The following MEI1 variants were observed in gnomAD, a reference collection of about 807,000 sequenced individuals.
The protein encoded by MEI1 is meiotic double-stranded break formation protein 1.
MEI1 carries 103 observed loss-of-function variants against 146.2 expected under a neutral mutation model. The observed-to-expected ratio is 0.70, with a 90% CI of 0.60 to 0.83. The LOEUF (loss-of-function observed/expected upper bound fraction) is 0.83, where lower values mean the gene tolerates loss of function less well. Ranked by LOEUF, MEI1 falls within the 40% of genes least tolerant of loss-of-function variation. The probability of loss-of-function intolerance (pLI) is 0.00; values close to 1 mark genes in which losing one functional copy is unlikely to be tolerated. For synonymous variants in MEI1, 652 were observed against 628.2 expected, an observed-to-expected ratio of 1.04 and a Z score of -0.57; for missense variants, 1,529 against 1,533.0, an observed-to-expected ratio of 1.00 and a Z score of 0.04.
chr22:41,767,558 G>A (rs956401485), intron 19 of MEI1: 2 of 455,820 alleles, frequency 4.4e-6, no homozygotes, highest in African/African-American at 4.0e-5. Context: ...CTTATGCCTG[G>A]AAACTCTTCC....
chr22:41,736,311 G>A (rs555609734), intron 11 of MEI1, among the ~76,000 whole-genome samples: 1 of 147,344 alleles, frequency 6.8e-6, no homozygotes, highest in Non-Finnish European at 1.5e-5. Context: ...GTGCAGTGGC[G>A]TGATCTCAGC....
Position 41,795,766 on chromosome 22 carries a change from G to A in MEI1, c.3698G>A (p.Ser1233Asn), listed in dbSNP as rs1421691662. ...LQSMGHLADHSMAQTLQASLE... is the reference protein window; with the variant it reads ...LQSMGHLADHNMAQTLQASLE... ...AGCATGGGACACCTGGCTGACCACA[G>A]CATGGCCCAGACCCTGCAGGCCTCC... is the stretch of plus-strand genomic sequence containing the variant. Residue 1233 changes from serine to asparagine, a missense_variant, in exon 30 of 31, where the codon AGC becomes AAC. Transcript: ENST00000401548. The surrounding 1 kb of genome is among the most constrained non-coding windows in gnomAD (Gnocchi z 4.2). 1.2e-6 allele frequency: 2 copies of A among 1,613,720 alleles called. No homozygotes were observed. The highest frequency in any genetic ancestry group is 1.7e-6 in the Non-Finnish European group (2 of 1,179,776).
At chr22:41,751,738 C>G (rs1289522807) in intron 15 of MEI1, among the ~76,000 whole-genome samples, 1 of 141,732 alleles carries the variant, frequency 7.1e-6, no homozygotes, top group Admixed American at 7.3e-5. Flanking sequence ...TGCCATTGCA[C>G]TCTAGTCTGG....
At chr22:41,717,437 A>G (rs1168698851) in intron 5 of MEI1, among the ~76,000 whole-genome samples, 1 of 151,936 alleles carries the variant, frequency 6.6e-6, no homozygotes, top group African/African-American at 2.4e-5. Context: ...TGGTGGGATT[A>G]CAGCCATGAG....
intron 1 of MEI1, 40 bp downstream of exon 1, chr22:41,699,752 C>A: frequency 6.6e-7 from 1 of 1,517,626 alleles, no homozygotes; most frequent in Non-Finnish European, 8.8e-7. Context: ...CTGGGTTTGG[C>A]CATTTCCCTC....
At chr22:41,753,916 A>G (rs1293174636) in intron 16 of MEI1, 33 bp from the exon 17 acceptor site, 4 of 1,438,730 alleles carry the variant, frequency 2.8e-6, no homozygotes, top group Admixed American at 3.3e-5. Flanking sequence ...TAGCAATGTC[A>G]TCTCTTCTAT....
intron 5 of MEI1, among the ~76,000 whole-genome samples, chr22:41,717,207 G>C (rs1024880644): frequency 6.6e-6 from 1 of 151,922 alleles, no homozygotes; most frequent in Non-Finnish European, 1.5e-5. Context: ...GACAGAACCG[G>C]GCTACAGCGC....
At chr22:41,712,579 G>A (rs1195525404) in intron 3 of MEI1, among the ~76,000 whole-genome samples, 1 of 151,572 alleles carries the variant, frequency 6.6e-6, no homozygotes, top group Non-Finnish European at 1.5e-5. Flanking sequence ...CTTACCTGGA[G>A]AACTTTAGAA....
At chr22:41,769,574 G>C (rs1431850167) in intron 19 of MEI1, among the ~76,000 whole-genome samples, 1 of 151,782 alleles carries the variant, frequency 6.6e-6, no homozygotes, top group African/African-American at 2.4e-5. Context: ...CCGGGTTCAA[G>C]TGAGTCTCCT....
chr22:41,721,846 G>A (rs556561809), intron 6 of MEI1, among the ~76,000 whole-genome samples: 3 of 139,664 alleles, frequency 2.1e-5, no homozygotes, highest in East Asian at 2.3e-4. Context: ...ACAGCCTCCC[G>A]AGTAGCTGGG....
chr22:41,784,849 C>G (rs755580714), intron 26 of MEI1, 66 bp downstream of exon 26: 1 of 1,374,456 alleles, frequency 7.3e-7, no homozygotes, highest in Non-Finnish European at 9.7e-7. Flanking sequence ...GGCTGCCTGT[C>G]GAGAGCCTGA....
At position 41,705,574 on chromosome 22, in the gene MEI1, C is replaced by A. The variant is rs189106712; in HGVS notation, c.349+20C>A. The A allele has an allele frequency of 5.8e-5, 93 of 1,604,520 alleles. No homozygotes were observed. In the Admixed American group the frequency reaches 1.6e-3, roughly 27 times the overall value. On this transcript the variant is annotated intron_variant, in intron 3 of 30. Coordinates refer to ENST00000401548, the MANE Select transcript of MEI1 (RefSeq NM_152513.4). ...TTGAAGGTAAGTTGAAACCTTGTAT[C>A]TAGCACTTGAAGATGAAAGTATTAG...
chr22:41,766,536 C>A (rs1040002417), intron 19 of MEI1, among the ~76,000 whole-genome samples: 3 of 151,302 alleles, frequency 2.0e-5, no homozygotes, highest in Admixed American at 2.0e-4. Flanking sequence ...TTTTATTATT[C>A]ATTTTACTCA....
rs1357339354 is a variant in MEI1, at chr22:41,781,761, A to G, written c.3003A>G (p.Ala1001=). ...EKMLALTLAK[A]DSPRTALLCS... is the part of the protein sequence containing the mutation. The stretch of plus-strand genomic sequence containing the variant: ...TGCTGGCCCTCACCTTGGCAAAGGC[A>G]GATTCTCCCAGGACTGCACTCCTCT... The change falls in exon 24 of 31, where the codon GCA becomes GCG. Residue 1001 remains alanine, a synonymous_variant. Coordinates refer to ENST00000401548, the MANE Select transcript of MEI1 (RefSeq NM_152513.4). 4.3e-6 allele frequency: 7 copies of G among 1,613,868 alleles called. No homozygotes were observed. The highest frequency in any genetic ancestry group is 1.7e-5 in the Admixed American group (1 of 60,012).
At chr22:41,781,066 C>A (rs951935113) in intron 22 of MEI1, among the ~76,000 whole-genome samples, 1 of 152,208 alleles carries the variant, frequency 6.6e-6, no homozygotes, top group South Asian at 2.1e-4. Context: ...CTGTGATGTG[C>A]AGCTGTAGGC....
At chr22:41,707,377 C>G (rs2069175426) in intron 3 of MEI1, among the ~76,000 whole-genome samples, 1 of 152,138 alleles carries the variant, frequency 6.6e-6, no homozygotes, top group Non-Finnish European at 1.5e-5. Context: ...TTATGAAACT[C>G]AGACCTCTGA....
rs762455380 is a variant in MEI1, at chr22:41,770,757, G to A, written c.2340G>A (p.Pro780=). The change falls in exon 20 of 31, where the codon CCG becomes CCA. Residue 780 remains proline, a synonymous_variant. Coordinates refer to ENST00000401548, the MANE Select transcript of MEI1 (RefSeq NM_152513.4). ...TGCAGCTAGTCTATACTCACCATCC[G>A]CTCCTGCTCAGGTTCTTTCTGTTGT... ...PDLQLVYTHH[P]LLLRFFLLYP... is the part of the protein sequence containing the mutation. 38 of 1,613,690 alleles carry A rather than the reference G, an allele frequency of 2.4e-5. No homozygotes were observed. Among genetic ancestry groups the A allele is most frequent in the African/African-American group, 1.7e-4 (13 of 74,864 alleles).
intron 5 of MEI1, 67 bp from the exon 6 acceptor site, chr22:41,718,004 A>AT: frequency 7.9e-7 from 1 of 1,259,308 alleles, no homozygotes; most frequent in Non-Finnish European, 1.1e-6. Context: ...GGAATAATAG[A>AT]TTGGAGTTTC....
chr22:41,762,566 T>C (rs1569275335), intron 18 of MEI1, among the ~76,000 whole-genome samples: 1 of 150,632 alleles, frequency 6.6e-6, no homozygotes, highest in East Asian at 1.9e-4. Flanking sequence ...TTTTTTTTTT[T>C]TGTAGAGAAG....
Sources: allele counts gnomAD v4.1 joint callset (sites outside exome capture counted in the v4.1 genomes callset), GRCh38; gene constraint gnomAD v4.1.1; non-coding constraint Gnocchi (gnomAD v3.1); transcripts MANE v1.5; gene names NCBI Gene and HGNC (gene_info 2026-07-23, HGNC 2026-07-21).